Variants in KLHL13 observed in about 807,000 individuals in gnomAD.
The protein encoded by KLHL13 is kelch like family member 13.
In KLHL13, 10 loss-of-function variants were observed where a neutral mutation model predicts 37.1. The observed-to-expected ratio is 0.27, with a 90% CI of 0.17 to 0.46. The LOEUF (loss-of-function observed/expected upper bound fraction) is 0.46. Ranked by LOEUF, KLHL13 falls within the 20% of genes least tolerant of loss-of-function variation. The pLI is 1.00. For synonymous variants in KLHL13, 163 were observed against 181.2 expected, an observed-to-expected ratio of 0.90 and a Z score of 0.81; for missense variants, 360 against 509.3, an observed-to-expected ratio of 0.71 and a Z score of 2.82.
intron 1 of KLHL13, among the ~76,000 whole-genome samples, chrX:118,053,802 A>AGAGAGAGAGAGAGAGAGAGAGGAGAG (rs2054646868): frequency 1.9e-5 from 1 of 53,648 alleles, no homozygotes; most frequent in African/African-American, 1.0e-4. Flanking sequence ...TGTGTGTGAG[A>AGAGAGAGAGAGAGAGAGAGAGGAGAG]GAGAGAGAGA....
upstream of KLHL13, among the ~76,000 whole-genome samples, chrX:117,977,419 AACTG>A (rs200266721): frequency 8.5e-3 from 952 of 111,843 alleles, 9 homozygotes; most frequent in African/African-American, 0.029. Context: ...TTAATTTGCT[AACTG>A]ACTAGTATAG....
At chrX:118,054,781 A>T (rs751063071) in intron 1 of KLHL13, among the ~76,000 whole-genome samples, 1 of 111,647 alleles carries the variant, frequency 9.0e-6, no homozygotes, top group Non-Finnish European at 1.9e-5. Flanking sequence ...CATATTCCTC[A>T]ATATTACATT....
chrX:118,024,136 T>C (rs1162934393), intron 1 of KLHL13, among the ~76,000 whole-genome samples: 2 of 112,252 alleles, frequency 1.8e-5, no homozygotes, highest in African/African-American at 6.5e-5. Context: ...CAAGTTATCA[T>C]TCAGTTACCT....
At chrX:117,914,245 T>TC (rs1396009077) in intron 4 of KLHL13, 1 of 109,116 alleles carries the variant, frequency 9.2e-6, no homozygotes, top group African/African-American at 3.3e-5. Flanking sequence ...TTTTTTTTTT[T>TC]CTGGCTAGCC....
intron 1 of KLHL13, among the ~76,000 whole-genome samples, chrX:118,068,328 A>G (rs2054816825): frequency 9.0e-6 from 1 of 111,527 alleles, no homozygotes; most frequent in Non-Finnish European, 1.9e-5. Flanking sequence ...CAAGCAAAAC[A>G]ACAAATAAAC....
intron 1 of KLHL13, among the ~76,000 whole-genome samples, chrX:117,970,227 T>C (rs1453877688): frequency 1.8e-5 from 2 of 111,906 alleles, no homozygotes; most frequent in African/African-American, 3.2e-5. Flanking sequence ...AACCACGTAA[T>C]GTATATTTGA....
intron 1 of KLHL13, among the ~76,000 whole-genome samples, chrX:118,012,049 A>T (rs1387317806): frequency 8.9e-6 from 1 of 112,161 alleles, no homozygotes; most frequent in Non-Finnish European, 1.9e-5. Flanking sequence ...CAGGAAAACC[A>T]GTGCCAGCAC....
intron 1 of KLHL13, among the ~76,000 whole-genome samples, chrX:118,024,087 T>G (rs182130839): frequency 0.055 from 6,185 of 112,027 alleles, 413 homozygotes; most frequent in African/African-American, 0.19. Flanking sequence ...TAAACTAGGG[T>G]CCATAAGACT....
At chrX:118,030,960 G>T (rs904272893) in intron 1 of KLHL13, among the ~76,000 whole-genome samples, 6 of 111,868 alleles carry the variant, frequency 5.4e-5, no homozygotes, top group Admixed American at 4.8e-4. Context: ...CTCCTACTGT[G>T]CCTGGATTTC....
intron 2 of KLHL13, among the ~76,000 whole-genome samples, chrX:117,943,048 T>C (rs1933129362): frequency 9.0e-6 from 1 of 111,259 alleles, no homozygotes; most frequent in Non-Finnish European, 1.9e-5. Flanking sequence ...CAGCATTTTC[T>C]TCTCTGTAAA....
chrX:118,032,540 A>G (rs1329405314), intron 1 of KLHL13, among the ~76,000 whole-genome samples: 1 of 112,167 alleles, frequency 8.9e-6, no homozygotes, highest in Non-Finnish European at 1.9e-5. Flanking sequence ...CCTGTCTGTT[A>G]GAAGGAAAAC....
At chrX:118,014,016 A>G (rs2054099095) in intron 1 of KLHL13, among the ~76,000 whole-genome samples, 1 of 111,994 alleles carries the variant, frequency 8.9e-6, no homozygotes, top group African/African-American at 3.2e-5. Flanking sequence ...GAGGACCACT[A>G]TTGTACAAAT....
intron 1 of KLHL13, among the ~76,000 whole-genome samples, chrX:117,954,608 T>C (rs12389094): frequency 0.062 from 7,017 of 112,714 alleles, 529 homozygotes; most frequent in African/African-American, 0.21. Flanking sequence ...ATTCAAATCT[T>C]CCTTGCTTTT....
rs756890461 is a variant in KLHL13 at position 118,041,058 on chromosome X, A to C, written c.-56+75450T>G. 7.1e-5 allele frequency among the ~76,000 whole-genome samples: 8 copies of C among 112,524 alleles called. No homozygotes were observed. The Admixed American group carries it at 7.5e-4, about 11-fold the overall frequency. On this transcript the variant is annotated intron_variant, in intron 1 of 6. Coordinates refer to the KLHL13 transcript ENST00000371882. ...TCAACACCAGATCTGTCCTAGAAGAAATGCTAAAGGGAGTTCCTCAATCTG... is the reference window on the plus strand; with the variant it reads ...TCAACACCAGATCTGTCCTAGAAGACATGCTAAAGGGAGTTCCTCAATCTG...
chrX:118,108,189 C>T (rs1038758950), intron 1 of KLHL13, among the ~76,000 whole-genome samples: 7 of 112,221 alleles, frequency 6.2e-5, no homozygotes, highest in African/African-American at 2.3e-4. Flanking sequence ...AAACTCTTAT[C>T]TCCTTTTACT....
chrX:118,081,653 A>C (rs923037278), intron 1 of KLHL13, among the ~76,000 whole-genome samples: 4 of 111,410 alleles, frequency 3.6e-5, no homozygotes, highest in Admixed American at 2.9e-4. Context: ...TGTTAACTAC[A>C]GTCACTCTAT....
At chrX:118,107,544 GTA>G (rs1447715046) in intron 1 of KLHL13, among the ~76,000 whole-genome samples, 1 of 111,967 alleles carries the variant, frequency 8.9e-6, no homozygotes, top group Non-Finnish European at 1.9e-5. Context: ...ATAATAATAA[GTA>G]TAGTTATATT....
chrX:117,965,381 G>A (rs2053403017), intron 1 of KLHL13, among the ~76,000 whole-genome samples: 1 of 111,980 alleles, frequency 8.9e-6, no homozygotes, highest in African/African-American at 3.3e-5. Context: ...CTGCATAAAT[G>A]TCTTCTTTTG....
At chrX:118,110,803 CA>C (rs2055402956) in intron 1 of KLHL13, among the ~76,000 whole-genome samples, 1 of 111,742 alleles carries the variant, frequency 8.9e-6, no homozygotes, top group Admixed American at 9.5e-5. Context: ...CCCACCCCCA[CA>C]AAAGACTCTC....
Sources: allele counts gnomAD v4.1 joint callset (sites outside exome capture counted in the v4.1 genomes callset), GRCh38; gene constraint gnomAD v4.1.1; transcripts MANE v1.5; gene names NCBI Gene and HGNC (gene_info 2026-07-23, HGNC 2026-07-21).